The following GNG2 variants were observed in gnomAD, a reference collection of about 807,000 sequenced individuals.
GNG2 encodes the protein G protein subunit gamma 2, also known as guanine nucleotide-binding protein G(I)/G(S)/G(O) subunit gamma-2.
Under a neutral mutation model 5.5 loss-of-function variants are expected in GNG2, and 5 were observed. That is an observed-to-expected ratio of 0.91 (90% confidence interval 0.48 to 1.92). The LOEUF is 1.92. Ranked by LOEUF, GNG2 falls within the 30% of genes most tolerant of loss-of-function variation. The pLI is 0.01. For missense variants in GNG2, 55 were observed against 88.4 expected (o/e 0.62, Z 1.52); for synonymous variants, 28 against 32.0 (o/e 0.88, Z 0.42).
At chr14:51,913,846 GACC>G (rs752495210) in intron 2 of GNG2, among the ~76,000 whole-genome samples, 4 of 152,124 alleles carry the variant, frequency 2.6e-5, no homozygotes, top group African/African-American at 7.2e-5. Flanking sequence ...CCTTAAAACT[GACC>G]ACCAACAATG....
rs1455714443 is a variant in GNG2 at position 51,968,188 on chromosome 14, G to C, written c.*1501G>C. On this transcript the variant is annotated 3_prime_UTR_variant, in exon 4 of 4. Transcript: ENST00000556766. ...GTGAGAGTAATTTTTCATTGTAGCT[G>C]TAGTCTCCATCAGTAACAGCAGGCC... The C allele has an allele frequency of 6.6e-6, 1 of 152,042 alleles. No individual in the cohort carries two copies. The highest frequency in any genetic ancestry group is 1.5e-5 in the Non-Finnish European group (1 of 68,012). The allele number at this position is 152,042 out of a possible 1,614,324, so 9.4% of individuals were successfully genotyped here.
At chr14:51,834,360 C>G (rs1215651188) in intron 2 of GNG2, among the ~76,000 whole-genome samples, 1 of 152,210 alleles carries the variant, frequency 6.6e-6, no homozygotes, top group African/African-American at 2.4e-5. Context: ...CCTGCACTTG[C>G]CTGGCTTCTG....
At chr14:51,946,472 A>G (rs1387677217) in intron 2 of GNG2, among the ~76,000 whole-genome samples, 1 of 152,212 alleles carries the variant, frequency 6.6e-6, no homozygotes, top group Non-Finnish European at 1.5e-5. Context: ...AAAAAGGAAG[A>G]GACTGATCAC....
chr14:51,885,146 T>C (rs567960380), intron 2 of GNG2, among the ~76,000 whole-genome samples: 6 of 152,184 alleles, frequency 3.9e-5, no homozygotes, highest in East Asian at 3.8e-4. Flanking sequence ...CTAATTCAAG[T>C]TGTGACTAAA....
chr14:51,880,506 A>AT (rs1883977255), intron 2 of GNG2, among the ~76,000 whole-genome samples: 1 of 152,194 alleles, frequency 6.6e-6, no homozygotes, highest in South Asian at 2.1e-4. Flanking sequence ...TCACTGGGTT[A>AT]TTTTTTAAAA....
At chr14:51,896,665 A>C (rs560574118) in intron 2 of GNG2, among the ~76,000 whole-genome samples, 1 of 152,334 alleles carries the variant, frequency 6.6e-6, no homozygotes, top group East Asian at 1.9e-4. Context: ...TTTACATAGA[A>C]ATAATTTTAC....
chr14:51,848,510 CAG>C (rs1411629351), intron 2 of GNG2, among the ~76,000 whole-genome samples: 3 of 152,186 alleles, frequency 2.0e-5, no homozygotes, highest in African/African-American at 7.2e-5. Flanking sequence ...TCTGCAGTCT[CAG>C]GGGAGAGTAC....
chr14:51,955,641 C>T (rs1889234292), intron 3 of GNG2, among the ~76,000 whole-genome samples: 2 of 152,068 alleles, frequency 1.3e-5, no homozygotes, highest in South Asian at 4.1e-4. Context: ...TTGGAGATTC[C>T]AAGCATGAAT....
chr14:51,863,493 A>T (rs140285525), intron 1 of GNG2, among the ~76,000 whole-genome samples: 187 of 152,344 alleles, frequency 1.2e-3, no homozygotes, highest in African/African-American at 4.3e-3. Context: ...CCACTGCCTC[A>T]CAGGTTTAGG....
At chr14:51,870,719 G>A (rs1332063784) in intron 1 of GNG2, among the ~76,000 whole-genome samples, 5 of 152,162 alleles carry the variant, frequency 3.3e-5, no homozygotes, top group South Asian at 4.1e-4. Context: ...TTCCAGCTCC[G>A]GAGGCAGCAT....
chr14:51,914,114 T>C (rs1886460032), intron 2 of GNG2: 3 of 654,798 alleles, frequency 4.6e-6, no homozygotes. Context: ...TTGCAGAAGA[T>C]ATTGAAATTG....
chr14:51,955,949 T>C (rs1047828218), intron 3 of GNG2, among the ~76,000 whole-genome samples: 24 of 152,212 alleles, frequency 1.6e-4, no homozygotes, highest in African/African-American at 5.8e-4. Flanking sequence ...CATGGAACCC[T>C]GTAGTGAGAA....
chr14:51,840,832 T>C (rs1215634483), intron 2 of GNG2, among the ~76,000 whole-genome samples: 1 of 152,170 alleles, frequency 6.6e-6, no homozygotes, highest in Non-Finnish European at 1.5e-5. Flanking sequence ...TATCAGTTAG[T>C]TATGTTAGAT....
At chr14:51,863,951 T>C (rs1316183856) in intron 1 of GNG2, among the ~76,000 whole-genome samples, 1 of 152,252 alleles carries the variant, frequency 6.6e-6, no homozygotes, top group Non-Finnish European at 1.5e-5. Context: ...GTTTTGGCTA[T>C]TGTAAATAAT....
At chr14:51,862,933 G>A (rs1465984535) in intron 1 of GNG2, among the ~76,000 whole-genome samples, 1 of 151,544 alleles carries the variant, frequency 6.6e-6, no homozygotes, top group Non-Finnish European at 1.5e-5. Context: ...ATTTTTCCTG[G>A]GGTATTCACT....
chr14:51,849,743 C>G (rs1188985174), intron 2 of GNG2, among the ~76,000 whole-genome samples: 3 of 151,850 alleles, frequency 2.0e-5, no homozygotes, highest in Admixed American at 2.0e-4. Context: ...TAGTAAACTT[C>G]CAATAAATAT....
intron 3 of GNG2, among the ~76,000 whole-genome samples, chr14:51,953,680 CAG>C (rs1889112395): frequency 6.6e-6 from 1 of 152,104 alleles, no homozygotes; most frequent in African/African-American, 2.4e-5. Context: ...GGTGAAGTGA[CAG>C]ATTATTTTTA....
intron 2 of GNG2, among the ~76,000 whole-genome samples, chr14:51,830,692 C>T (rs1049635885): frequency 6.6e-6 from 1 of 152,178 alleles, no homozygotes; most frequent in Non-Finnish European, 1.5e-5. Context: ...TTCTCATTAC[C>T]ACTTCGACTG....
At chr14:51,852,667 G>A (rs1007600248) in intron 2 of GNG2, among the ~76,000 whole-genome samples, 1 of 152,206 alleles carries the variant, frequency 6.6e-6, no homozygotes, top group Non-Finnish European at 1.5e-5. Context: ...ACTTACAATT[G>A]TACTCTATAC....
Sources: gnomAD v4.1 joint callset for allele counts (sites outside exome capture counted in the v4.1 genomes callset) on GRCh38, gnomAD v4.1.1 for gene constraint, MANE v1.5 for transcripts, NCBI Gene and HGNC (gene_info 2026-07-23, HGNC 2026-07-21) for gene names.